ABCA13: variants seen among roughly 807,000 people sequenced by gnomAD.
The protein encoded by ABCA13 is ATP binding cassette subfamily A member 13.
A neutral mutation model predicts 478.7 loss-of-function variants in ABCA13; 476 were observed. That is an observed-to-expected ratio of 0.99 (90% CI 0.92 to 1.07). ABCA13 has a LOEUF of 1.07. Among genes scored for constraint, ABCA13 ranks in the 50% least tolerant of loss-of-function variants. The pLI is 0.00. For synonymous variants in ABCA13, 2,252 were observed against 2,158.9 expected (o/e 1.04, Z -1.20); for missense variants, 6,060 against 5,910.6 (o/e 1.03, Z -0.83).
chr7:48,602,818 CA>C (rs1392195266), intron 58 of ABCA13, among the ~76,000 whole-genome samples: 1 of 151,776 alleles, frequency 6.6e-6, no homozygotes, highest in Non-Finnish European at 1.5e-5. Flanking sequence ...TTATTTTGGA[CA>C]GTATGGCCAT....
intron 42 of ABCA13, among the ~76,000 whole-genome samples, chr7:48,451,024 G>A (rs968675789): frequency 9.8e-5 from 13 of 132,278 alleles, no homozygotes; most frequent in Admixed American, 5.1e-4. Flanking sequence ...TGGAGATGGA[G>A]TCTCACTCTG....
intron 58 of ABCA13, among the ~76,000 whole-genome samples, chr7:48,609,696 G>T (rs1342773599): frequency 6.6e-6 from 1 of 152,078 alleles, no homozygotes; most frequent in Non-Finnish European, 1.5e-5. Context: ...CCATATTTCT[G>T]TACTAATTAG....
At chr7:48,315,847 T>C (rs992677174) in intron 26 of ABCA13, among the ~76,000 whole-genome samples, 41 of 152,326 alleles carry the variant, frequency 2.7e-4, no homozygotes, top group African/African-American at 9.9e-4. Flanking sequence ...AAATAATTTT[T>C]TTCCTTTCAA....
intron 48 of ABCA13, among the ~76,000 whole-genome samples, chr7:48,496,111 T>C (rs1201789139): frequency 1.3e-5 from 2 of 152,278 alleles, no homozygotes; most frequent in East Asian, 1.9e-4. Context: ...TAATTACTAA[T>C]ATATTTGGGT....
chr7:48,368,031 C>G (rs1246713261), intron 32 of ABCA13, 123 bp downstream of exon 32: 1 of 651,548 alleles, frequency 1.5e-6, no homozygotes, highest in Non-Finnish European at 2.6e-6. Context: ...TGCTGGGGTT[C>G]TGGTGTACAA....
chr7:48,625,266 T>G (rs1160702910), intron 59 of ABCA13, among the ~76,000 whole-genome samples: 1 of 152,208 alleles, frequency 6.6e-6, no homozygotes, highest in African/African-American at 2.4e-5. Flanking sequence ...CATCTCGGAT[T>G]AAGATTGCAT....
Position 48,276,067 on chromosome 7 carries a change from C to A in ABCA13, c.6401C>A (p.Ala2134Glu), listed in dbSNP as rs774659379. The A allele has an allele frequency of 3.7e-6, 6 of 1,605,652 alleles. No individual in the cohort carries two copies. Among genetic ancestry groups the A allele is most frequent in the Admixed American group, 1.7e-5 (1 of 58,964 alleles). The change falls in exon 17 of 62, where the codon GCA (alanine) becomes GAA (glutamate). Residue 2134 changes from alanine (A) to glutamate (E), a missense_variant. Transcript: ENST00000435803. ...ACAAAAAACTGGCTTCAGGAATATG[C>A]AAATGAGGATTACTCCAGAATGATA... is the stretch of plus-strand genomic sequence containing the variant. ...LVTKNWLQEY[A>E]NEDYSRMIET...
intron 27 of ABCA13, among the ~76,000 whole-genome samples, chr7:48,332,615 G>A (rs1051359687): frequency 6.6e-6 from 1 of 151,988 alleles, no homozygotes; most frequent in Admixed American, 6.5e-5. Context: ...CCTTCCAAAT[G>A]CTCCAAGATT....
Position 48,244,583 on chromosome 7 carries a change from C to A in ABCA13, c.1270C>A (p.His424Asn). The A allele has an allele frequency of 1.2e-6, 2 of 1,613,096 alleles. No individual in the cohort carries two copies. Among genetic ancestry groups the A allele is most frequent in the Non-Finnish European group, 8.5e-7 (1 of 1,179,540 alleles). Residue 424 changes from histidine (H) to asparagine (N), a missense_variant, in exon 11 of 62, where the codon CAT (histidine) becomes AAT (asparagine). Coordinates refer to ENST00000435803, the MANE Select transcript of ABCA13 (RefSeq NM_152701.5). ...ATTTATTTTTGCCCTCAGATTACAG[C>A]ATCTGTGGAAATTGCAAAGCTTGCT... Reference protein sequence around the residue: ...DNHTFPKILQHLWKLQSLLQN... With the variant: ...DNHTFPKILQNLWKLQSLLQN...
chr7:48,511,061 CT>C, intron 50 of ABCA13, 22 bp from the exon 51 acceptor site: 1 of 1,580,990 alleles, frequency 6.3e-7, no homozygotes. Flanking sequence ...ACAGCTCTCC[CT>C]TATTTCTTTT....
At chr7:48,606,509 C>T (rs1002846365) in intron 58 of ABCA13, among the ~76,000 whole-genome samples, 7 of 151,398 alleles carry the variant, frequency 4.6e-5, no homozygotes, top group African/African-American at 1.5e-4. Flanking sequence ...GCTGGAGATC[C>T]GCTCCAGACC....
At chr7:48,604,132 A>G (rs1358282589) in intron 58 of ABCA13, among the ~76,000 whole-genome samples, 1 of 151,708 alleles carries the variant, frequency 6.6e-6, no homozygotes, top group Non-Finnish European at 1.5e-5. Flanking sequence ...TTTCTTCTTT[A>G]TTAATCTGGC....
At chr7:48,404,962 G>T (rs901307023) in intron 39 of ABCA13, among the ~76,000 whole-genome samples, 5 of 152,212 alleles carry the variant, frequency 3.3e-5, no homozygotes, top group Admixed American at 3.3e-4. Flanking sequence ...GGCCTGGCCT[G>T]GGCAATTGCA....
chr7:48,602,737 G>C (rs1479011715), intron 58 of ABCA13, among the ~76,000 whole-genome samples: 6 of 149,934 alleles, frequency 4.0e-5, no homozygotes, highest in African/African-American at 1.5e-4. Flanking sequence ...GAAATTTAAA[G>C]TGGTTTTTTT....
At chr7:48,567,618 CTCATAAA>C (rs1371567327) in intron 55 of ABCA13, among the ~76,000 whole-genome samples, 2 of 151,704 alleles carry the variant, frequency 1.3e-5, no homozygotes, top group Non-Finnish European at 2.9e-5. Flanking sequence ...GTATATAATA[CTCATAAA>C]TCATAAATAT....
At position 48,352,285 on chromosome 7, in the gene ABCA13, G is replaced by A. The variant is rs779857244; in HGVS notation, c.10486G>A (p.Val3496Met). 21 of 1,613,822 alleles carry A rather than the reference G, an allele frequency of 1.3e-5. No individual in the cohort carries two copies. The highest frequency in any genetic ancestry group is 8.3e-5 in the Admixed American group (5 of 60,028). ...YTIRTNVLYS[V>M]RTDVVKNPSW... Reference sequence around the variant, plus strand: ...AATCCGGACCAATGTGTTATACAGCGTGCGAACAGATGTGGTAAAAAACCC... The same window carrying A: ...AATCCGGACCAATGTGTTATACAGCATGCGAACAGATGTGGTAAAAAACCC... The change falls in exon 31 of 62, where the codon GTG (valine) becomes ATG (methionine). Residue 3496 changes from valine to methionine, a missense_variant. Val to Met is a conservative substitution (Grantham distance 21, BLOSUM62 1). Transcript: ENST00000435803.
Position 48,273,695 on chromosome 7 carries a change from G to A in ABCA13, c.4029G>A (p.Leu1343=). 1.2e-6 allele frequency: 2 copies of A among 1,608,194 alleles called. No individual in the cohort carries two copies. The highest frequency in any genetic ancestry group is 1.7e-6 in the Non-Finnish European group (2 of 1,176,896). The change falls in exon 17 of 62, where the codon TTG becomes TTA. Residue 1343 remains leucine (L), a synonymous_variant. Coordinates refer to ENST00000435803, the MANE Select transcript of ABCA13 (RefSeq NM_152701.5). ...FLRNVSHDRD[L]FSCADIFQNV... Reference sequence around the variant, plus strand: ...GAAATGTATCACATGATCGAGATTTGTTTTCCTGTGCTGATATTTTCCAAA... The same window carrying A: ...GAAATGTATCACATGATCGAGATTTATTTTCCTGTGCTGATATTTTCCAAA...
intron 7 of ABCA13, among the ~76,000 whole-genome samples, chr7:48,230,397 A>C (rs139399072): frequency 6.6e-6 from 1 of 152,324 alleles, no homozygotes; most frequent in East Asian, 1.9e-4. Flanking sequence ...GCCCTACCAC[A>C]GGGGAGGGAA....
At chr7:48,225,602 G>T (rs1045220755) in intron 5 of ABCA13, among the ~76,000 whole-genome samples, 1 of 152,040 alleles carries the variant, frequency 6.6e-6, no homozygotes, top group Non-Finnish European at 1.5e-5. Flanking sequence ...GTTCTGGAAC[G>T]GTCTTTGTTT....
Sources: gnomAD v4.1 joint callset for allele counts (sites outside exome capture counted in the v4.1 genomes callset) on GRCh38, gnomAD v4.1.1 for gene constraint, MANE v1.5 for transcripts, NCBI Gene and HGNC (gene_info 2026-07-23, HGNC 2026-07-21) for gene names.